Variants in STK32B observed in about 807,000 individuals in gnomAD.
STK32B encodes serine/threonine-protein kinase 32B.
A neutral mutation model predicts 52.6 loss-of-function variants in STK32B; 43 were observed. The observed-to-expected ratio is 0.82, with a 90% CI of 0.64 to 1.05. The LOEUF is 1.05. STK32B is among the 50% of genes least tolerant of loss of function. STK32B has a pLI of 0.00. For synonymous variants in STK32B, 238 were observed against 204.3 expected, an observed-to-expected ratio of 1.17 and a Z score of -1.41; for missense variants, 621 against 534.6, an observed-to-expected ratio of 1.16 and a Z score of -1.59.
At chr4:5,391,708 A>G (rs16837096) in intron 4 of STK32B, among the ~76,000 whole-genome samples, 4,207 of 152,318 alleles carry the variant, frequency 0.028, 160 homozygotes, top group East Asian at 0.083. Flanking sequence ...GAATCTGGCC[A>G]TTGGATCAGT....
intron 4 of STK32B, among the ~76,000 whole-genome samples, chr4:5,397,377 C>T (rs571752113): frequency 2.0e-5 from 3 of 152,252 alleles, no homozygotes; most frequent in East Asian, 3.9e-4. Context: ...ACCACTGTGT[C>T]GGGCGCTGTG....
intron 1 of STK32B, among the ~76,000 whole-genome samples, chr4:5,134,313 G>T (rs1715944436): frequency 6.6e-6 from 1 of 152,174 alleles, no homozygotes; most frequent in Admixed American, 6.5e-5. Flanking sequence ...TGAAATCTCT[G>T]CCCTTATGAA....
intron 4 of STK32B, among the ~76,000 whole-genome samples, chr4:5,371,189 CAGCCAA>C (rs1735217738): frequency 6.6e-6 from 1 of 151,912 alleles, no homozygotes; most frequent in African/African-American, 2.4e-5. Context: ...GCTGGGATTA[CAGCCAA>C]TGAGCAGAAG....
chr4:5,323,878 G>A (rs1731694574), intron 3 of STK32B, among the ~76,000 whole-genome samples: 1 of 152,202 alleles, frequency 6.6e-6, no homozygotes, highest in Non-Finnish European at 1.5e-5. Context: ...AGGGCATCAA[G>A]CACAGAGTCT....
chr4:5,236,332 G>C (rs543558925), intron 3 of STK32B, among the ~76,000 whole-genome samples: 3 of 151,802 alleles, frequency 2.0e-5, no homozygotes, highest in South Asian at 2.1e-4. Flanking sequence ...AATAGCCTTT[G>C]TTCTTTTTTT....
intron 3 of STK32B, among the ~76,000 whole-genome samples, chr4:5,298,141 G>T (rs575228123): frequency 3.5e-4 from 53 of 152,290 alleles, no homozygotes; most frequent in Non-Finnish European, 5.4e-4. Context: ...ATTGCTGCCT[G>T]CTCCTTCCCC....
chr4:5,446,664 C>A lies in STK32B; in HGVS notation c.563-9C>A. ...CACAATGATGTTCTCCTTGTCCTCT[C>A]GTTGGCAGCTCCAGAAGTATTCCAG... On this transcript the variant is annotated splice_polypyrimidine_tract_variant and intron_variant, in intron 6 of 11. Transcript: ENST00000282908. The A allele has an allele frequency of 6.2e-7, 1 of 1,613,372 alleles. No individual in the cohort carries two copies. The highest frequency in any genetic ancestry group is 1.1e-5 in the South Asian group (1 of 91,030).
chr4:5,496,003 G>C (rs1047956097), intron 11 of STK32B, among the ~76,000 whole-genome samples: 2 of 152,190 alleles, frequency 1.3e-5, no homozygotes, highest in African/African-American at 2.4e-5. Flanking sequence ...GGTGCCTCCC[G>C]GTTAGGCTGC....
At chr4:5,112,324 A>G (rs113199172) in intron 1 of STK32B, among the ~76,000 whole-genome samples, 61 of 152,326 alleles carry the variant, frequency 4.0e-4, no homozygotes, top group African/African-American at 1.3e-3. Context: ...GAATTGATTC[A>G]TGTATTCAGG....
the STK32B span, among the ~76,000 whole-genome samples, chr4:5,026,815 A>C: frequency 6.6e-6 from 1 of 152,176 alleles, no homozygotes; most frequent in East Asian, 1.9e-4. Context: ...ACCATTCTCA[A>C]ATGTCCTCTG....
At chr4:5,298,970 G>C (rs1252516150) in intron 3 of STK32B, among the ~76,000 whole-genome samples, 3 of 152,132 alleles carry the variant, frequency 2.0e-5, no homozygotes, top group African/African-American at 7.2e-5. Flanking sequence ...GAAAAACTAT[G>C]GGAAAAGCAT....
chr4:5,316,223 T>TA lies in STK32B; in HGVS notation c.261-14997_261-14996insA, dbSNP rs1730693970. ...TATATAATATATATTACATAATATATTATATATACAATATTATATATTGTA... is the reference window on the plus strand; with the variant it reads ...TATATAATATATATTACATAATATATATATATATACAATATTATATATTGTA... On this transcript the variant is annotated intron_variant, in intron 3 of 11. Transcript: ENST00000282908. Among the ~76,000 whole-genome samples the TA allele has an allele frequency of 2.8e-5, 2 of 71,612 alleles. 1 individual carries two copies. The highest frequency in any genetic ancestry group is 7.1e-4 in the South Asian group (2 of 2,818). 47.0% of individuals were successfully genotyped at this position (71,612 alleles called of 152,430 possible).
In STK32B at chr4:5,398,016, G is replaced by C. The variant is rs867788623; in HGVS notation, c.435-191G>C. ...ACAATCTACTTGCACTTCCAGGAAA[G>C]AGAAGAGGCGATAAGAACACAGGTG... On this transcript the variant is annotated intron_variant, in intron 4 of 11. Coordinates refer to ENST00000282908, the MANE Select transcript of STK32B (RefSeq NM_018401.3). The surrounding 1 kb of genome is among the most constrained non-coding windows in gnomAD (Gnocchi z 4.9). Among the ~76,000 whole-genome samples, 2 of 152,206 alleles carry C rather than the reference G, an allele frequency of 1.3e-5. No homozygotes were observed. Among genetic ancestry groups the C allele is most frequent in the African/African-American group, 4.8e-5 (2 of 41,446 alleles).
chr4:5,296,723 C>A (rs1455763918), intron 3 of STK32B, among the ~76,000 whole-genome samples: 1 of 152,122 alleles, frequency 6.6e-6, no homozygotes, highest in African/African-American at 2.4e-5. Context: ...ATCCAATTTG[C>A]CAGTCTGTGC....
intron 3 of STK32B, among the ~76,000 whole-genome samples, chr4:5,240,984 C>T (rs1267372483): frequency 1.3e-5 from 2 of 152,236 alleles, no homozygotes; most frequent in Admixed American, 1.3e-4. Context: ...TTTTGTAAGT[C>T]CTTCCATCCT....
rs1737191288 is a variant in STK32B, at chr4:5,400,078, T to C, written c.472+1834T>C. Among the ~76,000 whole-genome samples, 1 of 152,084 alleles carries C rather than the reference T, an allele frequency of 6.6e-6. No homozygotes were observed. Among genetic ancestry groups the C allele is most frequent in the Non-Finnish European group, 1.5e-5 (1 of 68,002 alleles). On this transcript the variant is annotated intron_variant, in intron 5 of 11. Transcript: ENST00000282908. The surrounding 1 kb of genome is among the most constrained non-coding windows in gnomAD (Gnocchi z 6.1). ...AGCAAAATTCAGACAGAAACATCAATAGCAATAAGCTAGCCATTGCACTGA... is the reference window on the plus strand; with the variant it reads ...AGCAAAATTCAGACAGAAACATCAACAGCAATAAGCTAGCCATTGCACTGA...
At chr4:5,403,548 T>C (rs1417771511) in intron 5 of STK32B, among the ~76,000 whole-genome samples, 1 of 152,202 alleles carries the variant, frequency 6.6e-6, no homozygotes, top group Non-Finnish European at 1.5e-5. Flanking sequence ...CTGGTGGCCT[T>C]ATTGTACCTC....
At chr4:5,166,155 A>C (rs1225205017) in intron 2 of STK32B, among the ~76,000 whole-genome samples, 2 of 152,148 alleles carry the variant, frequency 1.3e-5, no homozygotes, top group African/African-American at 4.8e-5. Context: ...CTGTGACACC[A>C]GGAGAAAACC....
At chr4:5,244,683 A>G (rs1009371037) in intron 3 of STK32B, among the ~76,000 whole-genome samples, 3 of 152,246 alleles carry the variant, frequency 2.0e-5, no homozygotes, top group East Asian at 1.9e-4. Context: ...TGTCAATTTT[A>G]GATCTTTCCT....
Sources: allele counts gnomAD v4.1 joint callset (sites outside exome capture counted in the v4.1 genomes callset), GRCh38; gene constraint gnomAD v4.1.1; non-coding constraint Gnocchi (gnomAD v3.1); transcripts MANE v1.5; gene names NCBI Gene and HGNC (gene_info 2026-07-23, HGNC 2026-07-21).